PTPRD: variants seen among roughly 807,000 people sequenced by gnomAD.
PTPRD encodes receptor-type tyrosine-protein phosphatase delta.
Under a neutral mutation model 214.5 loss-of-function variants are expected in PTPRD, and 34 were observed. The ratio of observed to expected loss-of-function variants is 0.16; its 90% CI spans 0.12 to 0.21. PTPRD has a LOEUF of 0.21. PTPRD is among the 10% of genes least tolerant of loss of function. The probability of loss-of-function intolerance (pLI) is 1.00; values close to 1 mark genes in which losing one functional copy is unlikely to be tolerated. For missense variants in PTPRD, 2,545 were observed against 2,398.7 expected (o/e 1.06, Z -1.27); for synonymous variants, 1,128 against 845.7 (o/e 1.33, Z -5.79).
intron 5 of PTPRD, among the ~76,000 whole-genome samples, chr9:9,861,849 T>A (rs1205077977): frequency 6.6e-6 from 1 of 152,146 alleles, no homozygotes; most frequent in East Asian, 1.9e-4. Flanking sequence ...TATGTAGAGG[T>A]ATGTTTATTA....
chr9:9,788,566 GA>G (rs1265627893), intron 5 of PTPRD, among the ~76,000 whole-genome samples: 1 of 118,536 alleles, frequency 8.4e-6, no homozygotes, highest in Non-Finnish European at 1.8e-5. Flanking sequence ...AAAAAAAAAA[GA>G]AAGAAAAAAA....
chr9:9,182,780 G>C (rs1313598260), intron 10 of PTPRD, among the ~76,000 whole-genome samples: 1 of 151,936 alleles, frequency 6.6e-6, no homozygotes, highest in Non-Finnish European at 1.5e-5. Flanking sequence ...ATCATAACCT[G>C]TTATTGTTTA....
At chr9:8,633,581 T>C in intron 13 of PTPRD, 123 bp from the exon 14 acceptor site, 1 of 1,123,024 alleles carries the variant, frequency 8.9e-7, no homozygotes, top group Non-Finnish European at 1.3e-6. Flanking sequence ...ATTCTGAAAC[T>C]GAATTTTGAT....
intron 5 of PTPRD, among the ~76,000 whole-genome samples, chr9:9,906,926 G>A (rs867789920): frequency 6.6e-6 from 1 of 151,800 alleles, no homozygotes; most frequent in African/African-American, 2.4e-5. Context: ...TGCGTTTGTG[G>A]CCTCCAAGAT....
At chr9:8,871,630 A>T (rs886141469) in intron 11 of PTPRD, among the ~76,000 whole-genome samples, 39 of 152,248 alleles carry the variant, frequency 2.6e-4, no homozygotes, top group African/African-American at 9.4e-4. Context: ...CCTCTCTGTC[A>T]TTTACCCCTA....
chr9:9,411,718 C>A, intron 8 of PTPRD, among the ~76,000 whole-genome samples: 1 of 152,164 alleles, frequency 6.6e-6, no homozygotes, highest in East Asian at 1.9e-4. Context: ...AGAATGCCTG[C>A]CTGTTAACTG....
At chr9:9,087,838 T>C (rs1472015595) in intron 10 of PTPRD, among the ~76,000 whole-genome samples, 1 of 147,256 alleles carries the variant, frequency 6.8e-6, no homozygotes. Flanking sequence ...TGATGTCAAA[T>C]AGAACATAAT....
At chr9:10,089,236 A>AATAAATAG (rs531093721) in intron 3 of PTPRD, among the ~76,000 whole-genome samples, 9 of 150,828 alleles carry the variant, frequency 6.0e-5, no homozygotes, top group African/African-American at 2.2e-4. Context: ...TAAATAAATA[A>AATAAATAG]ATAGAAATAA....
intron 2 of PTPRD, among the ~76,000 whole-genome samples, chr9:10,368,942 G>A (rs1373660904): frequency 2.0e-5 from 3 of 152,010 alleles, no homozygotes; most frequent in Non-Finnish European, 4.4e-5. Flanking sequence ...AAACACACAG[G>A]ACAGAGCTAT....
intron 11 of PTPRD, among the ~76,000 whole-genome samples, chr9:8,979,939 T>C (rs1292858561): frequency 6.6e-6 from 1 of 152,098 alleles, no homozygotes; most frequent in Non-Finnish European, 1.5e-5. Flanking sequence ...ATATTCATAG[T>C]AGCCAAAGTA....
intron 10 of PTPRD, among the ~76,000 whole-genome samples, chr9:9,042,470 G>A (rs181353591): frequency 1.0e-3 from 158 of 152,086 alleles, no homozygotes; most frequent in Non-Finnish European, 1.9e-3. Flanking sequence ...AGGTCTCCCC[G>A]AAAATTGGGG....
At chr9:10,003,316 A>G (rs547228328) in intron 4 of PTPRD, among the ~76,000 whole-genome samples, 2 of 151,992 alleles carry the variant, frequency 1.3e-5, no homozygotes, top group South Asian at 4.1e-4. Context: ...TAAGATACTT[A>G]GATTTCATAA....
rs1198023030 is a variant in PTPRD, at chr9:10,612,931, G to A, written c.-951C>T. On this transcript the variant is annotated 5_prime_UTR_variant, in exon 1 of 46. Transcript: ENST00000381196. ...CGCCGGCTGCGGGCGCGGCTGGGCG[G>A]GGAGCCGAGGCGGCCGCTCCCGCAC... Among the ~76,000 whole-genome samples the A allele has an allele frequency of 6.6e-6, 1 of 151,626 alleles. No homozygotes were observed. The highest frequency in any genetic ancestry group is 1.5e-5 in the Non-Finnish European group (1 of 67,868).
intron 2 of PTPRD, among the ~76,000 whole-genome samples, chr9:10,428,956 G>C (rs1389732787): frequency 6.6e-6 from 1 of 151,932 alleles, no homozygotes; most frequent in Non-Finnish European, 1.5e-5. Context: ...ATAAAATAAA[G>C]ATAATAGTAC....
intron 35 of PTPRD, among the ~76,000 whole-genome samples, chr9:8,425,647 T>C (rs10977085): frequency 0.24 from 37,075 of 152,000 alleles, 5,434 homozygotes; most frequent in Non-Finnish European, 0.32. Context: ...AACTTAACAA[T>C]TATTTTTTGT....
intron 5 of PTPRD, among the ~76,000 whole-genome samples, chr9:9,784,908 T>C (rs1452403883): frequency 2.6e-5 from 4 of 151,146 alleles, no homozygotes; most frequent in Non-Finnish European, 5.9e-5. Flanking sequence ...ATATAATCTC[T>C]CCTACATTTT....
intron 35 of PTPRD, among the ~76,000 whole-genome samples, chr9:8,436,084 T>G (rs12352744): frequency 0.015 from 2,360 of 152,286 alleles, 36 homozygotes; most frequent in Middle Eastern, 0.044. Flanking sequence ...TTTAGTATAT[T>G]CTAGGAACTG....
chr9:9,342,125 A>C (rs1474599280), intron 9 of PTPRD, among the ~76,000 whole-genome samples: 1 of 152,130 alleles, frequency 6.6e-6, no homozygotes, highest in African/African-American at 2.4e-5. Flanking sequence ...TTAAGAGAAA[A>C]GTTTTTCAGT....
At position 9,787,313 on chromosome 9, in the gene PTPRD, T is replaced by C. The variant is rs559964956; in HGVS notation, c.-367-20462A>G. Among the ~76,000 whole-genome samples, 12 of 151,670 alleles carry C rather than the reference T, an allele frequency of 7.9e-5. No homozygotes were observed. In the South Asian group the frequency reaches 2.5e-3, roughly 32 times the overall value. ...GAGTGCTACCTCACCAAGCTCAAAATCTTTGTCAGCTTCCAGGTAAAGGTC... is the reference window on the plus strand; with the variant it reads ...GAGTGCTACCTCACCAAGCTCAAAACCTTTGTCAGCTTCCAGGTAAAGGTC... On this transcript the variant is annotated intron_variant, in intron 5 of 45. Coordinates refer to ENST00000381196, the MANE Select transcript of PTPRD (RefSeq NM_002839.4).
Sources: gnomAD v4.1 joint callset for allele counts (sites outside exome capture counted in the v4.1 genomes callset) on GRCh38, gnomAD v4.1.1 for gene constraint, MANE v1.5 for transcripts, NCBI Gene and HGNC (gene_info 2026-07-23, HGNC 2026-07-21) for gene names.